The following SPTB variants were observed in gnomAD, a reference collection of about 807,000 sequenced individuals.
The protein encoded by SPTB is spectrin beta, erythrocytic, also known as spectrin beta chain, erythrocytic.
A neutral mutation model predicts 256.2 loss-of-function variants in SPTB; 45 were observed. That is an observed-to-expected ratio of 0.18 (90% CI 0.14 to 0.23). The LOEUF is 0.23. Ranked by LOEUF, SPTB falls within the 10% of genes least tolerant of loss-of-function variation. SPTB has a pLI of 1.00. For synonymous variants in SPTB, 1,231 were observed against 1,243.1 expected (o/e 0.99, Z 0.21); for missense variants, 2,715 against 3,040.4 (o/e 0.89, Z 2.52).
intron 1 of SPTB, among the ~76,000 whole-genome samples, chr14:64,871,462 CT>C (rs1882528674): frequency 6.6e-6 from 1 of 152,158 alleles, no homozygotes; most frequent in African/African-American, 2.4e-5. Flanking sequence ...CCACTGGTGG[CT>C]TTTGAGAAGG....
intron 18 of SPTB, 148 bp from the exon 19 acceptor site, chr14:64,784,541 C>T (rs1330528701): frequency 3.6e-6 from 4 of 1,102,166 alleles, no homozygotes; most frequent in Non-Finnish European, 4.0e-6. Context: ...CTGGATCCCT[C>T]TGTACCAGCA....
At chr14:64,770,679 T>C (rs368237966) in intron 27 of SPTB, among the ~76,000 whole-genome samples, 6 of 152,342 alleles carry the variant, frequency 3.9e-5, no homozygotes, top group African/African-American at 1.4e-4. Context: ...CTCCTGACTC[T>C]GGAGCGATTG....
Position 64,759,106 on chromosome 14 carries a change from A to C in SPTB, c.6346-5313T>G, listed in dbSNP as rs954253248. ...AGAAAACTGGGTTCCGGAAAAGCTCAGTGACGGGCTGAGATTAGAGCACAC... is the reference window on the plus strand; with the variant it reads ...AGAAAACTGGGTTCCGGAAAAGCTCCGTGACGGGCTGAGATTAGAGCACAC... On this transcript the variant is annotated intron_variant, in intron 32 of 35. Coordinates refer to ENST00000644917, the MANE Select transcript of SPTB (RefSeq NM_001355436.2). This position sits in a 1 kb window ranked among gnomAD's most constrained non-coding sequence, Gnocchi z 4.8. Among the ~76,000 whole-genome samples the C allele has an allele frequency of 6.6e-6, 1 of 152,338 alleles. No homozygotes were observed. The highest frequency in any genetic ancestry group is 2.4e-5 in the African/African-American group (1 of 41,574).
At chr14:64,877,620 A>G (rs1161972325) in intron 1 of SPTB, among the ~76,000 whole-genome samples, 1 of 152,224 alleles carries the variant, frequency 6.6e-6, no homozygotes, top group African/African-American at 2.4e-5. Context: ...TGGTTTCCTC[A>G]TTCATTCAAC....
rs1222405944 is a variant in SPTB at position 64,758,175 on chromosome 14, C to A, written c.6346-4382G>T. ...CCACCCCTGCCTCCCTGGGGCTTTG[C>A]CGAGCAATTATTGTGGCCAGTGTCC... is the stretch of plus-strand genomic sequence containing the variant. On this transcript the variant is annotated intron_variant, in intron 32 of 35. Coordinates refer to ENST00000644917, the MANE Select transcript of SPTB (RefSeq NM_001355436.2). The surrounding 1 kb of genome is among the most constrained non-coding windows in gnomAD (Gnocchi z 4.6). Among the ~76,000 whole-genome samples, 1 of 152,222 alleles carries A rather than the reference C, an allele frequency of 6.6e-6. No individual in the cohort carries two copies. Among genetic ancestry groups the A allele is most frequent in the Non-Finnish European group, 1.5e-5 (1 of 68,048 alleles).
At chr14:64,830,700 C>T (rs1480973707) in intron 1 of SPTB, among the ~76,000 whole-genome samples, 1 of 152,164 alleles carries the variant, frequency 6.6e-6, no homozygotes, top group Admixed American at 6.5e-5. Flanking sequence ...AGCCCCTTCA[C>T]AGTCCCTCCT....
In SPTB at chr14:64,827,113, T is replaced by C. The variant is rs2083387532; in HGVS notation, c.-51-3968A>G. ...CTGAGAAAGCAGTGGTAGCAGCTCC[T>C]CTCCCAGCCTGCAGGGTGCTGACGG... On this transcript the variant is annotated intron_variant, in intron 1 of 35. Coordinates refer to ENST00000644917, the MANE Select transcript of SPTB (RefSeq NM_001355436.2). The surrounding 1 kb of genome is among the most constrained non-coding windows in gnomAD (Gnocchi z 4.6). 6.6e-6 allele frequency among the ~76,000 whole-genome samples: 1 copy of C among 152,090 alleles called. No individual in the cohort carries two copies. The highest frequency in any genetic ancestry group is 2.4e-5 in the African/African-American group (1 of 41,410).
In SPTB at chr14:64,827,755, T is replaced by C. The variant is rs2083396566; in HGVS notation, c.-51-4610A>G. The stretch of plus-strand genomic sequence containing the variant: ...CTATCTGCAGCCCTAACCTCCTCCC[T>C]ACTCTCAAGCTCTAGTCTGGCACCT... On this transcript the variant is annotated intron_variant, in intron 1 of 35. Transcript: ENST00000644917. This position sits in a 1 kb window ranked among gnomAD's most constrained non-coding sequence, Gnocchi z 4.6. 6.6e-6 allele frequency among the ~76,000 whole-genome samples: 1 copy of C among 152,214 alleles called. No individual in the cohort carries two copies. Among genetic ancestry groups the C allele is most frequent in the South Asian group, 2.1e-4 (1 of 4,820 alleles).
Position 64,753,722 on chromosome 14 carries a change from C to T in SPTB, c.6417G>A (p.Gln2139=). The stretch of plus-strand genomic sequence containing the variant: ...TGGGCCTCTCATCCCCAGTGGATTT[C>T]TGCCCATCCTTGTGCTGACCCGGCG... ...PPPPGQHKDG[Q]KSTGDERPTT... Residue 2139 remains glutamine (Q), a synonymous_variant, in exon 33 of 36, where the codon CAG becomes CAA. Transcript: ENST00000644917. 6.2e-7 allele frequency: 1 copy of T among 1,613,874 alleles called. No individual in the cohort carries two copies. The highest frequency in any genetic ancestry group is 8.5e-7 in the Non-Finnish European group (1 of 1,180,032).
At position 64,844,876 on chromosome 14, in the gene SPTB, C is replaced by T. The variant is rs1056259074; in HGVS notation, c.-51-21731G>A. Among the ~76,000 whole-genome samples the T allele has an allele frequency of 6.6e-6, 1 of 152,194 alleles. No individual in the cohort carries two copies. Among genetic ancestry groups the T allele is most frequent in the Non-Finnish European group, 1.5e-5 (1 of 68,030 alleles). On this transcript the variant is annotated intron_variant, in intron 1 of 35. Coordinates refer to ENST00000644917, the MANE Select transcript of SPTB (RefSeq NM_001355436.2). This position sits in a 1 kb window ranked among gnomAD's most constrained non-coding sequence, Gnocchi z 4.1. ...GTCTGCCTCCCATTCCCTTTGTGAT[C>T]GCAGCATGCAACTTTGGAGATGGAG...
At chr14:64,829,124 A>G (rs972886729) in intron 1 of SPTB, among the ~76,000 whole-genome samples, 1 of 152,202 alleles carries the variant, frequency 6.6e-6, no homozygotes, top group Non-Finnish European at 1.5e-5. Context: ...GAAGGACATC[A>G]TGACCTATGA....
At position 64,878,225 on chromosome 14, in the gene SPTB, C is replaced by A. The variant is rs149104068; in HGVS notation, c.-52+1567G>T. On this transcript the variant is annotated intron_variant, in intron 1 of 35. Transcript: ENST00000644917. ...TTACTCTAGAGTTTTTGATAAAATT[C>A]TTTATAAATGACCCACCTCTGGAGT... Among the ~76,000 whole-genome samples, 289 of 152,206 alleles carry A rather than the reference C, an allele frequency of 1.9e-3. 2 individuals are homozygous for A. Among genetic ancestry groups the A allele is most frequent in the African/African-American group, 6.6e-3 (275 of 41,528 alleles).
Position 64,787,288 on chromosome 14 carries a change from GA to G in SPTB, c.2805-129del, listed in dbSNP as rs113859449. On this transcript the variant is annotated intron_variant, in intron 15 of 35. Transcript: ENST00000644917. Reference sequence around the variant, plus strand: ...CCCCACAGACTTTGTATGATAAAAAGAAAAAAAAAAATCTACCTAACGAAGT... The same window carrying G: ...CCCCACAGACTTTGTATGATAAAAAGAAAAAAAAAATCTACCTAACGAAGT... 94,259 of 947,642 alleles carry G rather than the reference GA, an allele frequency of 0.099. 3,493 individuals are homozygous for G. Among genetic ancestry groups the G allele is most frequent in the East Asian group, 0.26 (7,837 of 29,708 alleles). 58.7% of individuals were successfully genotyped at this position (947,642 alleles called of 1,614,324 possible). A position where few individuals can be genotyped will look rare whatever the true frequency, so the allele number is the denominator to read the frequency against.
At position 64,847,589 on chromosome 14, in the gene SPTB, A is replaced by G. The variant is rs2083713290; in HGVS notation, c.-51-24444T>C. Among the ~76,000 whole-genome samples the G allele has an allele frequency of 6.6e-6, 1 of 152,172 alleles. No individual in the cohort carries two copies. The highest frequency in any genetic ancestry group is 2.4e-5 in the African/African-American group (1 of 41,436). The stretch of plus-strand genomic sequence containing the variant: ...AATCCAGGGCCTGGGAGCAACCACC[A>G]CACTCCTAAGCCAGAACAGTGAGCA... On this transcript the variant is annotated intron_variant, in intron 1 of 35. Coordinates refer to ENST00000644917, the MANE Select transcript of SPTB (RefSeq NM_001355436.2). This position sits in a 1 kb window ranked among gnomAD's most constrained non-coding sequence, Gnocchi z 5.9.
chr14:64,846,539 C>G (rs79926144), intron 1 of SPTB, among the ~76,000 whole-genome samples: 2 of 152,168 alleles, frequency 1.3e-5, no homozygotes, highest in African/African-American at 2.4e-5. Context: ...GATAAATGTA[C>G]GCACCTGTGT....
At chr14:64,767,399 T>C in intron 30 of SPTB, 47 bp from the exon 31 acceptor site, 4 of 1,611,984 alleles carry the variant, frequency 2.5e-6, no homozygotes, top group Non-Finnish European at 3.4e-6. Flanking sequence ...CAGAGGCGAG[T>C]TGTGTTCTCA....
chr14:64,793,466 C>A lies in SPTB; in HGVS notation c.2197G>T (p.Ala733Ser). 1 of 1,614,120 alleles carries A rather than the reference C, an allele frequency of 6.2e-7. No homozygotes were observed. Among genetic ancestry groups the A allele is most frequent in the Non-Finnish European group, 8.5e-7 (1 of 1,180,044 alleles). ...TCCTGGAGGTTCTTCTTGCAGAAGGCAGCCAGGTCCTTCAGCTGGTCCCAC... is the reference window on the plus strand; with the variant it reads ...TCCTGGAGGTTCTTCTTGCAGAAGGAAGCCAGGTCCTTCAGCTGGTCCCAC... ...AQWDQLKDLA[A>S]FCKKNLQDAE... is the part of the protein sequence containing the mutation. Residue 733 changes from alanine to serine, a missense_variant, in exon 14 of 36, where the codon GCC becomes TCC. Around this residue, in one of 4 missense-constraint regions of SPTB, gnomAD observed 2,239 missense variants for 2,384.4 expected, o/e 0.94. Transcript: ENST00000644917. This position sits in a 1 kb window ranked among gnomAD's most constrained non-coding sequence, Gnocchi z 7.0.
At chr14:64,752,342 C>G in intron 33 of SPTB, 1 of 1,030,396 alleles carries the variant, frequency 9.7e-7, no homozygotes, top group Non-Finnish European at 1.3e-6. Flanking sequence ...GGTGGAGAAA[C>G]TAGTAGGGCA....
rs1408643042 is a variant in SPTB at position 64,758,582 on chromosome 14, A to G, written c.6346-4789T>C. Among the ~76,000 whole-genome samples, 1 of 152,254 alleles carries G rather than the reference A, an allele frequency of 6.6e-6. No homozygotes were observed. Among genetic ancestry groups the G allele is most frequent in the East Asian group, 1.9e-4 (1 of 5,204 alleles). On this transcript the variant is annotated intron_variant, in intron 32 of 35. Transcript: ENST00000644917. This position sits in a 1 kb window ranked among gnomAD's most constrained non-coding sequence, Gnocchi z 4.6. The stretch of plus-strand genomic sequence containing the variant: ...TGGTAATTCACAAGTGGATTTTACA[A>G]ACAGCTCACAACTTTGTCAAGAAAA...
Sources: allele counts gnomAD v4.1 joint callset (sites outside exome capture counted in the v4.1 genomes callset), GRCh38; gene constraint gnomAD v4.1.1; regional missense constraint gnomAD v4.1.1; non-coding constraint Gnocchi (gnomAD v3.1); transcripts MANE v1.5; gene names NCBI Gene and HGNC (gene_info 2026-07-23, HGNC 2026-07-21).